MEF2A: variants seen among roughly 807,000 people sequenced by gnomAD.
MEF2A encodes myocyte enhancer factor 2A.
Under a neutral mutation model 55.8 loss-of-function variants are expected in MEF2A, and 28 were observed. The observed-to-expected ratio is 0.50, with a 90% CI of 0.37 to 0.69. MEF2A has a LOEUF of 0.69. Ranked by LOEUF, MEF2A falls within the 30% of genes least tolerant of loss-of-function variation. The pLI is 0.00. For missense variants in MEF2A, 528 were observed against 626.2 expected (o/e 0.84, Z 1.67); for synonymous variants, 239 against 227.1 (o/e 1.05, Z -0.47).
chr15:99,676,337 G>GT (rs931358642), intron 7 of MEF2A, among the ~76,000 whole-genome samples: 8 of 151,308 alleles, frequency 5.3e-5, no homozygotes, highest in South Asian at 2.1e-4. Context: ...AATATTTATG[G>GT]TTTTTTTTCA....
At chr15:99,576,652 T>G (rs1208003792) in intron 1 of MEF2A, among the ~76,000 whole-genome samples, 5 of 151,764 alleles carry the variant, frequency 3.3e-5, no homozygotes, top group African/African-American at 7.2e-5. Context: ...TTTGTTTTTT[T>G]TTTTTTGAGA....
chr15:99,607,932 A>T (rs749368353), intron 2 of MEF2A, among the ~76,000 whole-genome samples: 2 of 152,174 alleles, frequency 1.3e-5, no homozygotes, highest in African/African-American at 2.4e-5. Flanking sequence ...ATCAGTTCTT[A>T]TAATTTCCTG....
At chr15:99,673,585 A>G (rs2051303968) in intron 5 of MEF2A, among the ~76,000 whole-genome samples, 1 of 152,214 alleles carries the variant, frequency 6.6e-6, no homozygotes, top group Non-Finnish European at 1.5e-5. Flanking sequence ...AGAGCAACAT[A>G]TATTTATCGT....
At position 99,714,622 on chromosome 15, in the gene MEF2A, A is replaced by G. The variant is rs2058976858; in HGVS notation, c.*1851A>G. 6.6e-6 allele frequency: 1 copy of G among 152,202 alleles called. No homozygotes were observed. The highest frequency in any genetic ancestry group is 6.5e-5 in the Admixed American group (1 of 15,282). 9.4% of individuals were successfully genotyped at this position (152,202 alleles called of 1,614,324 possible). ...CTTTCAGGAAGACAACTAATGGATG[A>G]TAGCAAGTTCATCCACTTACTGGGC... is the stretch of plus-strand genomic sequence containing the variant. On this transcript the variant is annotated 3_prime_UTR_variant, in exon 12 of 12. Coordinates refer to ENST00000557942, the MANE Select transcript of MEF2A (RefSeq NM_001319206.4).
rs908573325 is a variant in MEF2A, at chr15:99,714,333, G to A, written c.*1562G>A. On this transcript the variant is annotated 3_prime_UTR_variant, in exon 12 of 12. Transcript: ENST00000557942. ...TAATATTAGAGAAAATGGCAAAATA[G>A]TAGATGAGCACAAAGGTTTTATAAG... 6.6e-6 allele frequency: 1 copy of A among 152,210 alleles called. No individual in the cohort carries two copies. The highest frequency in any genetic ancestry group is 1.5e-5 in the Non-Finnish European group (1 of 68,038). 9.4% of individuals were successfully genotyped at this position (152,210 alleles called of 1,614,324 possible).
chr15:99,605,770 A>G (rs1974865729), intron 2 of MEF2A, among the ~76,000 whole-genome samples: 1 of 152,058 alleles, frequency 6.6e-6, no homozygotes, highest in Non-Finnish European at 1.5e-5. Flanking sequence ...TAGGAGTTCA[A>G]GACCAGCTTG....
At chr15:99,701,602 G>A (rs1482094914) in intron 8 of MEF2A, among the ~76,000 whole-genome samples, 2 of 152,172 alleles carry the variant, frequency 1.3e-5, no homozygotes, top group Non-Finnish European at 2.9e-5. Flanking sequence ...TATTAGTTTC[G>A]ACAACTGCAT....
At chr15:99,664,731 A>T (rs1000264372) in intron 4 of MEF2A, among the ~76,000 whole-genome samples, 1 of 152,224 alleles carries the variant, frequency 6.6e-6, no homozygotes, top group Non-Finnish European at 1.5e-5. Flanking sequence ...GACCGGTTTA[A>T]TAAAAGATAA....
At chr15:99,620,696 C>T (rs1013865308) in intron 2 of MEF2A, among the ~76,000 whole-genome samples, 1 of 152,028 alleles carries the variant, frequency 6.6e-6, no homozygotes, top group Non-Finnish European at 1.5e-5. Flanking sequence ...TGGGTATATA[C>T]CCAATAATGG....
intron 5 of MEF2A, among the ~76,000 whole-genome samples, chr15:99,673,400 T>G (rs919030510): frequency 5.9e-5 from 9 of 152,206 alleles, no homozygotes. Flanking sequence ...TACCCACTGT[T>G]TTTATATTTG....
intron 1 of MEF2A, among the ~76,000 whole-genome samples, chr15:99,572,008 T>C (rs1164523266): frequency 7.7e-6 from 1 of 130,040 alleles, no homozygotes; most frequent in Non-Finnish European, 1.7e-5. Flanking sequence ...TCTTGCTCCA[T>C]AGAAGTTTTT....
intron 1 of MEF2A, among the ~76,000 whole-genome samples, chr15:99,569,931 A>G (rs922557218): frequency 1.8e-4 from 28 of 152,054 alleles, no homozygotes; most frequent in African/African-American, 6.3e-4. Context: ...GTGTAAATCC[A>G]TTTGTTAATT....
intron 1 of MEF2A, among the ~76,000 whole-genome samples, chr15:99,571,259 CTTAT>C (rs1430576858): frequency 6.6e-6 from 1 of 151,520 alleles, no homozygotes; most frequent in Non-Finnish European, 1.5e-5. Context: ...TTACTGTGTT[CTTAT>C]TTAGTTACTT....
At chr15:99,589,123 AT>A (rs1160972926) in intron 1 of MEF2A, among the ~76,000 whole-genome samples, 1 of 152,136 alleles carries the variant, frequency 6.6e-6, no homozygotes, top group Admixed American at 6.5e-5. Flanking sequence ...TCCTGAAGAG[AT>A]TGTGTACAGC....
At chr15:99,655,632 G>C (rs2047577181) in intron 4 of MEF2A, among the ~76,000 whole-genome samples, 1 of 151,960 alleles carries the variant, frequency 6.6e-6, no homozygotes, top group Non-Finnish European at 1.5e-5. Flanking sequence ...CTCATGATAG[G>C]CTTTAGTAAT....
At chr15:99,581,984 A>C (rs1402392360) in intron 1 of MEF2A, among the ~76,000 whole-genome samples, 5 of 152,078 alleles carry the variant, frequency 3.3e-5, no homozygotes, top group African/African-American at 1.2e-4. Context: ...GGTTTTTCAG[A>C]AAAAGAGATG....
intron 2 of MEF2A, among the ~76,000 whole-genome samples, chr15:99,604,905 A>C (rs1371063969): frequency 6.6e-6 from 1 of 152,132 alleles, no homozygotes; most frequent in African/African-American, 2.4e-5. Context: ...GATTATTCTC[A>C]ATTCAAAGTA....
intron 4 of MEF2A, among the ~76,000 whole-genome samples, chr15:99,665,392 A>G (rs2049414989): frequency 7.1e-6 from 1 of 140,528 alleles, no homozygotes; most frequent in South Asian, 2.2e-4. Flanking sequence ...ATATGCAGAA[A>G]GCTGAAACTG....
At chr15:99,571,895 C>T (rs775738845) in intron 1 of MEF2A, among the ~76,000 whole-genome samples, 4 of 152,186 alleles carry the variant, frequency 2.6e-5, no homozygotes, top group Non-Finnish European at 5.9e-5. Flanking sequence ...TTGCCTTGAG[C>T]AGTCCACTGC....
Sources: gnomAD v4.1 joint callset for allele counts (sites outside exome capture counted in the v4.1 genomes callset) on GRCh38, gnomAD v4.1.1 for gene constraint, MANE v1.5 for transcripts, NCBI Gene and HGNC (gene_info 2026-07-23, HGNC 2026-07-21) for gene names.